Variants in PRKN observed in about 807,000 individuals in gnomAD.
The protein encoded by PRKN is parkin RBR E3 ubiquitin protein ligase.
A neutral mutation model predicts 59.5 loss-of-function variants in PRKN; 56 were observed. The observed-to-expected ratio is 0.94, with a 90% CI of 0.76 to 1.18. The LOEUF is 1.18. Ranked by LOEUF, PRKN falls within the 50% of genes most tolerant of loss-of-function variation. PRKN has a pLI of 0.00. For synonymous variants in PRKN, 250 were observed against 222.1 expected (o/e 1.13, Z -1.12); for missense variants, 657 against 596.4 (o/e 1.10, Z -1.06).
intron 5 of PRKN, among the ~76,000 whole-genome samples, chr6:162,036,322 T>TCAAAA (rs1007529977): frequency 4.1e-4 from 63 of 151,914 alleles, no homozygotes; most frequent in African/African-American, 1.3e-3. Flanking sequence ...AGACCCCGTC[T>TCAAAA]CAAAACAAAA....
chr6:161,866,964 T>G (rs990621019), intron 6 of PRKN, among the ~76,000 whole-genome samples: 1 of 152,184 alleles, frequency 6.6e-6, no homozygotes, highest in South Asian at 2.1e-4. Context: ...CCACCTGGAC[T>G]GGGATCACTG....
In PRKN at chr6:161,353,511, G is replaced by A. The variant is rs1322335449; in HGVS notation, c.1286-3300C>T. ...GGCCCCAGAGGACAGGGTTTGGGGAGCTTCCAGGTTGCTGAACACATGGAG... is the reference window on the plus strand; with the variant it reads ...GGCCCCAGAGGACAGGGTTTGGGGAACTTCCAGGTTGCTGAACACATGGAG... On this transcript the variant is annotated intron_variant, in intron 11 of 11. Coordinates refer to ENST00000366898, the MANE Select transcript of PRKN (RefSeq NM_004562.3). The surrounding 1 kb of genome is among the most constrained non-coding windows in gnomAD (Gnocchi z 4.8). Among the ~76,000 whole-genome samples, 1 of 152,234 alleles carries A rather than the reference G, an allele frequency of 6.6e-6. No homozygotes were observed. The highest frequency in any genetic ancestry group is 1.5e-5 in the Non-Finnish European group (1 of 68,044).
intron 4 of PRKN, among the ~76,000 whole-genome samples, chr6:162,155,556 G>A (rs181776830): frequency 6.8e-4 from 104 of 152,142 alleles, no homozygotes; most frequent in African/African-American, 1.7e-3. Context: ...GAATTTCAGC[G>A]TCAGAGACAG....
rs548327376 is a variant in PRKN, at chr6:161,719,803, T to A, written c.871+65969A>T. Among the ~76,000 whole-genome samples the A allele has an allele frequency of 4.6e-5, 7 of 152,330 alleles. No homozygotes were observed. In the South Asian group the frequency reaches 1.5e-3, roughly 32 times the overall value. On this transcript the variant is annotated intron_variant, in intron 7 of 11. Coordinates refer to ENST00000366898, the MANE Select transcript of PRKN (RefSeq NM_004562.3). ...CACCATGTATGGCTATTTTGTTTTT[T>A]AAATATTTTGTAGAGACGGTTTCTC...
At chr6:161,731,162 T>C (rs1211475537) in intron 7 of PRKN, among the ~76,000 whole-genome samples, 1 of 152,270 alleles carries the variant, frequency 6.6e-6, no homozygotes, top group African/African-American at 2.4e-5. Context: ...TGCACTCTGA[T>C]GTGTTGCATT....
At position 161,377,486 on chromosome 6, in the gene PRKN, C is replaced by G. The variant is rs944170517; in HGVS notation, c.1167+9308G>C. Among the ~76,000 whole-genome samples, 4 of 152,248 alleles carry G rather than the reference C, an allele frequency of 2.6e-5. No homozygotes were observed. The highest frequency in any genetic ancestry group is 9.6e-5 in the African/African-American group (4 of 41,476). ...ACAATTGAGTTAGCTTAACATACGG[C>G]TGCAAGCCAAAAATGCACTGTCGCT... is the stretch of plus-strand genomic sequence containing the variant. On this transcript the variant is annotated intron_variant, in intron 10 of 11. Coordinates refer to ENST00000366898, the MANE Select transcript of PRKN (RefSeq NM_004562.3). The surrounding 1 kb of genome is among the most constrained non-coding windows in gnomAD (Gnocchi z 4.2).
chr6:161,694,136 C>T (rs558114928), intron 7 of PRKN, among the ~76,000 whole-genome samples: 7 of 152,312 alleles, frequency 4.6e-5, no homozygotes, highest in African/African-American at 1.4e-4. Context: ...TTAACAACAA[C>T]ACAACAAAGG....
At chr6:161,710,927 CCCTT>C (rs112997197) in intron 7 of PRKN, among the ~76,000 whole-genome samples, 3 of 139,604 alleles carry the variant, frequency 2.1e-5, no homozygotes, top group East Asian at 2.1e-4. Context: ...CCTTCCTCAC[CCCTT>C]CCTTCCTTCC....
At chr6:161,665,572 T>C (rs1030009928) in intron 7 of PRKN, among the ~76,000 whole-genome samples, 1 of 152,222 alleles carries the variant, frequency 6.6e-6, no homozygotes, top group Admixed American at 6.5e-5. Flanking sequence ...TAGACTCTTC[T>C]TTACTGCTTC....
chr6:162,044,821 C>G (rs954577150), intron 5 of PRKN, among the ~76,000 whole-genome samples: 1 of 152,192 alleles, frequency 6.6e-6, no homozygotes, highest in South Asian at 2.1e-4. Context: ...CTTTGATCAC[C>G]TTTGTGTTTT....
At chr6:162,284,215 CTTTTTTTT>C (rs35609309) in intron 2 of PRKN, among the ~76,000 whole-genome samples, 3 of 75,672 alleles carry the variant, frequency 4.0e-5, no homozygotes, top group East Asian at 1.4e-3. Flanking sequence ...TTATTTCTTT[CTTTTTTTT>C]TTTTTTTTTT....
chr6:162,122,861 G>A (rs531499202), intron 4 of PRKN, among the ~76,000 whole-genome samples: 1 of 152,214 alleles, frequency 6.6e-6, no homozygotes, highest in Non-Finnish European at 1.5e-5. Flanking sequence ...TCAACTGGAT[G>A]ATGTGGGAGT....
chr6:162,039,444 G>A (rs1325854171), intron 5 of PRKN, among the ~76,000 whole-genome samples: 1 of 152,174 alleles, frequency 6.6e-6, no homozygotes, highest in African/African-American at 2.4e-5. Context: ...TCTCAAGGGA[G>A]TGAATGACTT....
At chr6:161,491,820 T>C (rs908837199) in intron 9 of PRKN, among the ~76,000 whole-genome samples, 1 of 151,996 alleles carries the variant, frequency 6.6e-6, no homozygotes, top group Non-Finnish European at 1.5e-5. Flanking sequence ...TTAGTAGAGA[T>C]GGGGTTTCAC....
Position 161,546,448 on chromosome 6 carries a change from T to A in PRKN, c.1083+2406A>T, listed in dbSNP as rs1220205996. On this transcript the variant is annotated intron_variant, in intron 9 of 11. Coordinates refer to ENST00000366898, the MANE Select transcript of PRKN (RefSeq NM_004562.3). This position sits in a 1 kb window ranked among gnomAD's most constrained non-coding sequence, Gnocchi z 4.4. Reference sequence around the variant, plus strand: ...TTTGGGATTTGAAGACAAAGGGCAATGATGAAATCAATTTATCTCTGCTGA... The same window carrying A: ...TTTGGGATTTGAAGACAAAGGGCAAAGATGAAATCAATTTATCTCTGCTGA... Among the ~76,000 whole-genome samples the A allele has an allele frequency of 2.0e-5, 3 of 152,132 alleles. No individual in the cohort carries two copies. Among genetic ancestry groups the A allele is most frequent in the Non-Finnish European group, 2.9e-5 (2 of 68,034 alleles).
chr6:162,159,058 T>C (rs2849597), intron 4 of PRKN, among the ~76,000 whole-genome samples: 12,469 of 151,988 alleles, frequency 0.082, 1,002 homozygotes, highest in East Asian at 0.4. Flanking sequence ...GTACCTCCTA[T>C]TGTCCTCCCA....
At chr6:162,213,479 G>A (rs1777491126) in intron 3 of PRKN, among the ~76,000 whole-genome samples, 1 of 152,136 alleles carries the variant, frequency 6.6e-6, no homozygotes, top group African/African-American at 2.4e-5. Flanking sequence ...TGTCATCCCA[G>A]CAGTTTGGGA....
chr6:162,377,106 G>A (rs1472587546), intron 2 of PRKN, among the ~76,000 whole-genome samples: 2 of 152,146 alleles, frequency 1.3e-5, no homozygotes, highest in Non-Finnish European at 2.9e-5. Flanking sequence ...GGATGGTGGA[G>A]GGTGATGCTT....
chr6:162,011,074 T>A (rs1178725068), intron 5 of PRKN, among the ~76,000 whole-genome samples: 126 of 10,546 alleles, frequency 0.012, 38 homozygotes, highest in African/African-American at 0.061. Context: ...TATAATATAT[T>A]TATAATATAT....
Sources: allele counts gnomAD v4.1 joint callset (sites outside exome capture counted in the v4.1 genomes callset), GRCh38; gene constraint gnomAD v4.1.1; non-coding constraint Gnocchi (gnomAD v3.1); transcripts MANE v1.5; gene names NCBI Gene and HGNC (gene_info 2026-07-23, HGNC 2026-07-21).